The following MACROD2 variants were observed in gnomAD, a reference collection of about 807,000 sequenced individuals.
MACROD2 encodes mono-ADP ribosylhydrolase 2.
In MACROD2, 36 loss-of-function variants were observed where a neutral mutation model predicts 70.4. The ratio of observed to expected loss-of-function variants is 0.51; its 90% CI spans 0.39 to 0.68. MACROD2 has a LOEUF of 0.68. Among genes scored for constraint, MACROD2 ranks in the 30% least tolerant of loss-of-function variants. The probability of loss-of-function intolerance (pLI) is 0.00; values close to 1 mark genes in which losing one functional copy is unlikely to be tolerated. For synonymous variants in MACROD2, 172 were observed against 178.8 expected, an observed-to-expected ratio of 0.96 and a Z score of 0.30; for missense variants, 496 against 538.4, an observed-to-expected ratio of 0.92 and a Z score of 0.78.
At chr20:14,931,131 AT>A (rs1218776308) in intron 5 of MACROD2, among the ~76,000 whole-genome samples, 1 of 152,136 alleles carries the variant, frequency 6.6e-6, no homozygotes, top group Non-Finnish European at 1.5e-5. Context: ...TCAGAATAAA[AT>A]TTAGGAAGCA....
chr20:15,791,559 A>G (rs1277835963), intron 8 of MACROD2, among the ~76,000 whole-genome samples: 2 of 152,018 alleles, frequency 1.3e-5, no homozygotes, highest in African/African-American at 4.8e-5. Flanking sequence ...TATAATTTTT[A>G]AGAATTCATT....
intron 5 of MACROD2, among the ~76,000 whole-genome samples, chr20:15,021,284 CTG>C (rs1328980919): frequency 3.0e-5 from 3 of 98,386 alleles, no homozygotes; most frequent in Non-Finnish European, 6.8e-5. Context: ...ATACGCACAC[CTG>C]TGTGTGTGTA....
intron 5 of MACROD2, among the ~76,000 whole-genome samples, chr20:14,705,208 G>C (rs139932334): frequency 1.3e-5 from 2 of 151,770 alleles, no homozygotes; most frequent in Admixed American, 1.3e-4. Flanking sequence ...TATTCTACCC[G>C]TCTGTTACTT....
chr20:14,087,161 G>T (rs189204146), intron 3 of MACROD2, among the ~76,000 whole-genome samples: 9 of 152,118 alleles, frequency 5.9e-5, no homozygotes, highest in Non-Finnish European at 1.2e-4. Flanking sequence ...TTGGGAGGTC[G>T]AATTGGGTAG....
chr20:14,047,025 T>C (rs2053487790), intron 2 of MACROD2, among the ~76,000 whole-genome samples: 2 of 152,108 alleles, frequency 1.3e-5, no homozygotes, highest in African/African-American at 4.8e-5. Context: ...TGAATACCCT[T>C]ACAAATATAG....
intron 8 of MACROD2, among the ~76,000 whole-genome samples, chr20:15,844,994 G>A (rs1298815102): frequency 6.6e-6 from 1 of 152,044 alleles, no homozygotes; most frequent in Non-Finnish European, 1.5e-5. Flanking sequence ...AGATTCATAA[G>A]TGGCATCACA....
At chr20:15,011,475 A>C (rs1394754715) in intron 5 of MACROD2, among the ~76,000 whole-genome samples, 3 of 152,236 alleles carry the variant, frequency 2.0e-5, no homozygotes, top group Non-Finnish European at 2.9e-5. Context: ...AGTGTGTATG[A>C]TATGCTCATA....
intron 15 of MACROD2, 117 bp downstream of exon 15, chr20:15,987,275 A>G: frequency 1.0e-5 from 8 of 792,700 alleles, no homozygotes; most frequent in Non-Finnish European, 1.6e-5. Flanking sequence ...GGGAAAACGA[A>G]CATTTCCTTA....
intron 5 of MACROD2, among the ~76,000 whole-genome samples, chr20:14,762,419 T>C (rs1172210312): frequency 1.3e-5 from 2 of 152,110 alleles, no homozygotes; most frequent in East Asian, 3.9e-4. Flanking sequence ...ATTTATAAGA[T>C]GGCAAAAAAC....
intron 3 of MACROD2, among the ~76,000 whole-genome samples, chr20:14,119,159 ATTT>A (rs1181793101): frequency 0.03 from 1,727 of 56,692 alleles, 10 homozygotes; most frequent in Middle Eastern, 0.13. Flanking sequence ...AATGACTGTG[ATTT>A]TTTTTTTTTT....
chr20:14,892,516 G>A (rs2073775293), intron 5 of MACROD2, among the ~76,000 whole-genome samples: 1 of 152,060 alleles, frequency 6.6e-6, no homozygotes, highest in Non-Finnish European at 1.5e-5. Context: ...GACATACCTG[G>A]AGAATTGTTT....
intron 7 of MACROD2, among the ~76,000 whole-genome samples, chr20:15,467,012 C>G (rs1221887878): frequency 6.6e-6 from 1 of 152,210 alleles, no homozygotes; most frequent in Admixed American, 6.5e-5. Flanking sequence ...CTGTTGCTGT[C>G]CTGCCCATGG....
intron 8 of MACROD2, among the ~76,000 whole-genome samples, chr20:15,822,046 G>A (rs745768274): frequency 5.9e-5 from 9 of 152,122 alleles, no homozygotes; most frequent in Non-Finnish European, 1.3e-4. Context: ...ATTATTATGC[G>A]ATTGCTGTTT....
At chr20:15,169,476 C>T (rs536906425) in intron 5 of MACROD2, among the ~76,000 whole-genome samples, 71 of 152,196 alleles carry the variant, frequency 4.7e-4, no homozygotes, top group African/African-American at 1.7e-3. Flanking sequence ...AAGGGGCCAC[C>T]GTTTTTCTTG....
intron 5 of MACROD2, chr20:14,757,844 C>A: frequency 6.6e-7 from 1 of 1,520,480 alleles, no homozygotes; most frequent in Admixed American, 1.7e-5. Flanking sequence ...CACTCTATGC[C>A]GTAGCCGTCC....
intron 6 of MACROD2, among the ~76,000 whole-genome samples, chr20:15,417,931 G>C (rs1438204552): frequency 6.6e-6 from 1 of 152,178 alleles, no homozygotes. Flanking sequence ...TGCTGAAAAA[G>C]AATTCTCATC....
chr20:14,009,133 TAG>T (rs1161851174), intron 2 of MACROD2, among the ~76,000 whole-genome samples: 1 of 152,168 alleles, frequency 6.6e-6, no homozygotes, highest in Non-Finnish European at 1.5e-5. Context: ...TTAATTACAC[TAG>T]AGTTTCTGCA....
intron 5 of MACROD2, among the ~76,000 whole-genome samples, chr20:14,828,283 C>T (rs1055751516): frequency 3.9e-5 from 6 of 152,020 alleles, no homozygotes; most frequent in East Asian, 1.9e-4. Flanking sequence ...GGATGAAAAA[C>T]GTTTCTTTGA....
chr20:15,969,218 A>G (rs1158261160), intron 13 of MACROD2, among the ~76,000 whole-genome samples: 1 of 152,164 alleles, frequency 6.6e-6, no homozygotes, highest in Non-Finnish European at 1.5e-5. Context: ...TAAGAAAAGC[A>G]AATGTAAAAT....
Sources: gnomAD v4.1 joint callset for allele counts (sites outside exome capture counted in the v4.1 genomes callset) on GRCh38, gnomAD v4.1.1 for gene constraint, MANE v1.5 for transcripts, NCBI Gene and HGNC (gene_info 2026-07-23, HGNC 2026-07-21) for gene names.